The following ZPBP variants were observed in gnomAD, a reference collection of about 807,000 sequenced individuals.
ZPBP encodes zona pellucida binding protein.
In ZPBP, 26 loss-of-function variants were observed where a neutral mutation model predicts 44.8. That is an observed-to-expected ratio of 0.58 (90% confidence interval 0.43 to 0.81). The LOEUF is 0.81. Ranked by LOEUF, ZPBP falls within the 30% of genes least tolerant of loss-of-function variation. The pLI is 0.00. For synonymous variants in ZPBP, 174 were observed against 153.2 expected, an observed-to-expected ratio of 1.14 and a Z score of -1.00; for missense variants, 409 against 434.0, an observed-to-expected ratio of 0.94 and a Z score of 0.51.
intron 1 of ZPBP, chr7:49,916,532 G>A (rs1330223993): frequency 6.6e-6 from 1 of 152,124 alleles, no homozygotes; most frequent in Non-Finnish European, 1.5e-5. Flanking sequence ...ATATCATTTA[G>A]GAATCATACC....
intron 2 of ZPBP, among the ~76,000 whole-genome samples, chr7:49,883,761 A>G (rs1384635): frequency 0.71 from 107,546 of 152,210 alleles, 38,482 homozygotes; most frequent in East Asian, 0.88. Context: ...AAAGTTTCTA[A>G]TTGAACACAA....
intron 2 of ZPBP, among the ~76,000 whole-genome samples, chr7:50,083,473 G>T (rs1380651356): frequency 2.0e-5 from 3 of 151,858 alleles, no homozygotes; most frequent in Non-Finnish European, 2.9e-5. Context: ...AATCCCAGAA[G>T]AAATTATTTA....
chr7:49,894,466 C>T (rs982635936), intron 2 of ZPBP, among the ~76,000 whole-genome samples: 1 of 152,234 alleles, frequency 6.6e-6, no homozygotes, highest in South Asian at 2.1e-4. Context: ...TATGGCTTAC[C>T]ATCCCTTGTT....
chr7:49,981,646 A>AT lies in ZPBP; in HGVS notation c.961+1695dup, dbSNP rs1562820399. Among the ~76,000 whole-genome samples the AT allele has an allele frequency of 1.7e-3, 114 of 67,828 alleles. 16 individuals are homozygous for AT. Among genetic ancestry groups the AT allele is most frequent in the Admixed American group, 4.4e-3 (18 of 4,114 alleles). 44.5% of individuals were successfully genotyped at this position (67,828 alleles called of 152,430 possible). ...ATTATATTATATTATATATTATATA[A>AT]TATCTTGATATAAAATATATATTAT... On this transcript the variant is annotated intron_variant, in intron 7 of 7. Coordinates refer to ENST00000046087, the MANE Select transcript of ZPBP (RefSeq NM_007009.3).
At chr7:49,988,588 C>A (rs1424174457) in intron 6 of ZPBP, among the ~76,000 whole-genome samples, 1 of 152,134 alleles carries the variant, frequency 6.6e-6, no homozygotes, top group African/African-American at 2.4e-5. Context: ...AACCAAATTT[C>A]TTTGTTAGTC....
At chr7:49,844,375 A>C in the ZPBP span, among the ~76,000 whole-genome samples, 46 of 152,360 alleles carry the variant, frequency 3.0e-4, no homozygotes, top group South Asian at 2.7e-3. Flanking sequence ...AGGTAAGCCA[A>C]GCCAGGTCTG....
chr7:50,047,629 A>T (rs1482496760), intron 4 of ZPBP, among the ~76,000 whole-genome samples: 1 of 148,558 alleles, frequency 6.7e-6, no homozygotes, highest in African/African-American at 2.5e-5. Context: ...TGAGTATAGC[A>T]CTCTGCTCAT....
chr7:50,077,973 A>T (rs1802181886), intron 3 of ZPBP, among the ~76,000 whole-genome samples: 1 of 151,850 alleles, frequency 6.6e-6, no homozygotes, highest in South Asian at 2.1e-4. Flanking sequence ...ACAATAGCTA[A>T]GATTTAGAAG....
At chr7:49,900,000 A>T (rs1433856717) in intron 2 of ZPBP, among the ~76,000 whole-genome samples, 1 of 151,914 alleles carries the variant, frequency 6.6e-6, no homozygotes, top group East Asian at 1.9e-4. Flanking sequence ...ATTAAATTAG[A>T]TATCAGTAAT....
chr7:50,047,497 G>A (rs1171577834), intron 4 of ZPBP, among the ~76,000 whole-genome samples: 1 of 152,006 alleles, frequency 6.6e-6, no homozygotes, highest in East Asian at 1.9e-4. Context: ...TAGGGTTGCT[G>A]GTCTATGGAC....
chr7:49,981,620 TATTA>T, intron 7 of ZPBP, among the ~76,000 whole-genome samples: 3 of 4,936 alleles, frequency 6.1e-4, no homozygotes, highest in African/African-American at 1.2e-3. Flanking sequence ...AATTATATTA[TATTA>T]TATTATATTA....
chr7:49,935,508 C>A (rs1366130219), downstream of ZPBP, among the ~76,000 whole-genome samples: 1 of 152,112 alleles, frequency 6.6e-6, no homozygotes, highest in Non-Finnish European at 1.5e-5. Flanking sequence ...AAGCGATTCT[C>A]CTGCCTCAGC....
At chr7:49,895,366 AGG>A (rs1792331554) in intron 2 of ZPBP, among the ~76,000 whole-genome samples, 2 of 152,216 alleles carry the variant, frequency 1.3e-5, no homozygotes, top group Non-Finnish European at 2.9e-5. Flanking sequence ...TACGAATTCC[AGG>A]GGGACACCAA....
chr7:50,025,428 G>A (rs1799278311), intron 5 of ZPBP, among the ~76,000 whole-genome samples: 2 of 151,754 alleles, frequency 1.3e-5, no homozygotes, highest in African/African-American at 4.8e-5. Flanking sequence ...ACTGATGAAA[G>A]AACAGACAAA....
intron 1 of ZPBP, among the ~76,000 whole-genome samples, chr7:49,924,807 G>A (rs1465559172): frequency 6.6e-6 from 1 of 152,150 alleles, no homozygotes; most frequent in Non-Finnish European, 1.5e-5. Context: ...TTGGAAAGAA[G>A]GTGGTGGCTG....
At chr7:49,866,623 A>T (rs1790904002) in intron 2 of ZPBP, among the ~76,000 whole-genome samples, 1 of 152,220 alleles carries the variant, frequency 6.6e-6, no homozygotes, top group Admixed American at 6.5e-5. Context: ...GAAATGCAAC[A>T]TCCTGTCACA....
At chr7:49,991,531 G>A (rs1472288249) in intron 6 of ZPBP, among the ~76,000 whole-genome samples, 2 of 151,968 alleles carry the variant, frequency 1.3e-5, no homozygotes, top group African/African-American at 4.8e-5. Flanking sequence ...TGCAATGTCG[G>A]GACAACTTCA....
chr7:50,044,382 G>C (rs571862050), intron 4 of ZPBP, among the ~76,000 whole-genome samples: 1 of 152,056 alleles, frequency 6.6e-6, no homozygotes, highest in East Asian at 1.9e-4. Flanking sequence ...CCAGGAGCTG[G>C]TTTTTTGAAA....
chr7:49,951,843 A>T (rs570055679), intron 7 of ZPBP, among the ~76,000 whole-genome samples: 4 of 151,930 alleles, frequency 2.6e-5, no homozygotes, highest in Non-Finnish European at 4.4e-5. Flanking sequence ...ATGTCCATGG[A>T]TAAACAAATT....
Sources: gnomAD v4.1 joint callset for allele counts (sites outside exome capture counted in the v4.1 genomes callset) on GRCh38, gnomAD v4.1.1 for gene constraint, MANE v1.5 for transcripts, NCBI Gene and HGNC (gene_info 2026-07-23, HGNC 2026-07-21) for gene names.